Variants in ACSM3 observed in about 807,000 individuals in gnomAD.
ACSM3 encodes acyl-CoA synthetase medium chain family member 3, also known as acyl-coenzyme A synthetase ACSM3, mitochondrial.
Under a neutral mutation model 74.1 loss-of-function variants are expected in ACSM3, and 61 were observed. The observed-to-expected ratio is 0.82, with a 90% CI of 0.67 to 1.02. ACSM3 has a LOEUF of 1.02. Ranked by LOEUF, ACSM3 falls within the 50% of genes least tolerant of loss-of-function variation. The pLI, the probability that ACSM3 is intolerant of heterozygous loss-of-function variation, is 0.00. For missense variants in ACSM3, 660 were observed against 697.0 expected (o/e 0.95, Z 0.60); for synonymous variants, 213 against 241.5 (o/e 0.88, Z 1.09).
chr16:20,741,801 T>C (rs234271), intron 1 of ACSM3: 1,536,988 of 1,545,198 alleles, frequency 0.99, 764,418 homozygotes, highest in East Asian at 1. Flanking sequence ...TCCTCGTCTA[T>C]CGCCGGCGCG....
At chr16:20,756,893 T>G (rs566629304) in intron 3 of ACSM3, among the ~76,000 whole-genome samples, 3 of 152,216 alleles carry the variant, frequency 2.0e-5, no homozygotes, top group Admixed American at 1.3e-4. Flanking sequence ...AAATAGGGAA[T>G]CCTTTCCCCA....
At chr16:20,675,650 T>C (rs985677458) in intron 1 of ACSM3, among the ~76,000 whole-genome samples, 4 of 152,204 alleles carry the variant, frequency 2.6e-5, no homozygotes, top group Admixed American at 2.6e-4. Context: ...GGACATACTG[T>C]GAATTAGAAT....
intron 1 of ACSM3, among the ~76,000 whole-genome samples, chr16:20,687,032 C>T (rs182855581): frequency 1.4e-5 from 2 of 142,250 alleles, no homozygotes; most frequent in East Asian, 4.2e-4. Flanking sequence ...TGGTGTGGTG[C>T]GGTGCAGTCA....
At chr16:20,728,175 G>A in intron 1 of ACSM3, 1 of 324,120 alleles carries the variant, frequency 3.1e-6, no homozygotes, top group East Asian at 7.3e-5. Context: ...AATAATTTGT[G>A]CCAATCAGAA....
intron 8 of ACSM3, among the ~76,000 whole-genome samples, chr16:20,785,434 CA>C (rs1482819100): frequency 6.6e-6 from 1 of 152,010 alleles, no homozygotes; most frequent in Non-Finnish European, 1.5e-5. Context: ...AGGGCTGCCT[CA>C]AAATGGAAAA....
chr16:20,722,998 G>A (rs577317637), intron 1 of ACSM3, among the ~76,000 whole-genome samples: 55 of 152,118 alleles, frequency 3.6e-4, no homozygotes, highest in African/African-American at 1.2e-3. Flanking sequence ...CCATTAACTC[G>A]TCATTTAGCA....
intron 1 of ACSM3, among the ~76,000 whole-genome samples, chr16:20,726,903 GC>G (rs1177486294): frequency 1.3e-5 from 2 of 152,154 alleles, no homozygotes; most frequent in Non-Finnish European, 2.9e-5. Context: ...AAGGCCTTGG[GC>G]AAGTTCTTTA....
intron 2 of ACSM3, among the ~76,000 whole-genome samples, chr16:20,771,082 C>T (rs2080187281): frequency 2.0e-5 from 3 of 152,170 alleles, no homozygotes; most frequent in African/African-American, 7.2e-5. Context: ...CAATTCCACT[C>T]CCTACTTCTA....
intron 1 of ACSM3, among the ~76,000 whole-genome samples, chr16:20,747,131 C>G (rs1245821190): frequency 6.6e-6 from 1 of 151,972 alleles, no homozygotes; most frequent in Non-Finnish European, 1.5e-5. Flanking sequence ...CAGCGATAGA[C>G]AGGGCTCTGG....
intron 1 of ACSM3, chr16:20,728,181 C>A: frequency 3.1e-6 from 1 of 324,048 alleles, no homozygotes; most frequent in South Asian, 4.1e-5. Flanking sequence ...TTGTGCCAAT[C>A]AGAAAGGACA....
At chr16:20,737,154 T>C (rs2079877423) in intron 1 of ACSM3, 4 of 1,614,202 alleles carry the variant, frequency 2.5e-6, no homozygotes, top group Non-Finnish European at 3.4e-6. Context: ...CTCCTGGAGA[T>C]TGTATTTTCT....
chr16:20,686,936 A>T (rs941180913), intron 1 of ACSM3, among the ~76,000 whole-genome samples: 40 of 152,278 alleles, frequency 2.6e-4, no homozygotes, highest in Non-Finnish European at 2.5e-4. Flanking sequence ...TAAAAAGGAA[A>T]AAAATGAAAA....
rs150125407 is a variant in ACSM3 at position 20,705,174 on chromosome 16, C to T, written c.-190+30352C>T. On this transcript the variant is annotated intron_variant, in intron 1 of 3. Transcript: ENST00000561584. ...GATCACGAGGTCAGGAGATTGAGAACATCCTGGCTAACACCCTGAAACCCC... is the reference window on the plus strand; with the variant it reads ...GATCACGAGGTCAGGAGATTGAGAATATCCTGGCTAACACCCTGAAACCCC... Among the ~76,000 whole-genome samples the T allele has an allele frequency of 6.6e-5, 10 of 152,260 alleles. No homozygotes were observed. In the East Asian group the frequency reaches 1.9e-3, roughly 29 times the overall value.
chr16:20,724,080 G>C (rs1353136092), intron 1 of ACSM3, among the ~76,000 whole-genome samples: 1 of 152,132 alleles, frequency 6.6e-6, no homozygotes, highest in African/African-American at 2.4e-5. Context: ...AAGGGATCCA[G>C]TTTCAGCTTT....
At chr16:20,736,524 A>G (rs1406453971) in intron 1 of ACSM3, 1 of 205,684 alleles carries the variant, frequency 4.9e-6, no homozygotes, top group Non-Finnish European at 9.8e-6. Flanking sequence ...TGTGGCATGT[A>G]AAAACTCCTT....
Position 20,740,406 on chromosome 16 carries a change from A to G in ACSM3, c.-189-9504A>G, listed in dbSNP as rs564380580. Among the ~76,000 whole-genome samples, 4 of 152,360 alleles carry G rather than the reference A, an allele frequency of 2.6e-5. No homozygotes were observed. The East Asian group carries it at 5.8e-4, about 22-fold the overall frequency. On this transcript the variant is annotated intron_variant, in intron 1 of 3. Transcript: ENST00000561584. ...ACAGAGCAAGACCGCTTCCAAAAAA[A>G]GAATTTGCTTAAAGTACAGGAGTAG...
chr16:20,735,289 G>A (rs2079859121), intron 1 of ACSM3: 1 of 151,892 alleles, frequency 6.6e-6, no homozygotes. Flanking sequence ...CAAATATCCT[G>A]TAGAGAACGC....
At chr16:20,696,318 T>C (rs2079689602) in intron 1 of ACSM3, among the ~76,000 whole-genome samples, 1 of 152,238 alleles carries the variant, frequency 6.6e-6, no homozygotes, top group African/African-American at 2.4e-5. Context: ...TCGATATCTA[T>C]TTCCATCCAC....
At chr16:20,725,714 T>C (rs2152399883) in intron 1 of ACSM3, among the ~76,000 whole-genome samples, 1 of 152,262 alleles carries the variant, frequency 6.6e-6, no homozygotes, top group African/African-American at 2.4e-5. Flanking sequence ...GGCTCACACC[T>C]GTAATCCCGA....
Sources: allele counts gnomAD v4.1 joint callset (sites outside exome capture counted in the v4.1 genomes callset), GRCh38; gene constraint gnomAD v4.1.1; transcripts MANE v1.5; gene names NCBI Gene and HGNC (gene_info 2026-07-23, HGNC 2026-07-21).